Variants in SNTG1 observed in about 807,000 individuals in gnomAD.
The protein encoded by SNTG1 is syntrophin gamma 1.
SNTG1 carries 39 observed loss-of-function variants against 74.7 expected under a neutral mutation model. The observed-to-expected ratio is 0.52, with a 90% CI of 0.40 to 0.68. The LOEUF (loss-of-function observed/expected upper bound fraction) is 0.68, where lower values mean the gene tolerates loss of function less well. SNTG1 is among the 30% of genes least tolerant of loss of function. SNTG1 has a pLI of 0.00. For synonymous variants in SNTG1, 254 were observed against 217.1 expected (o/e 1.17, Z -1.49); for missense variants, 685 against 609.5 (o/e 1.12, Z -1.30).
chr8:50,611,066 T>C (rs2094846379), intron 13 of SNTG1, among the ~76,000 whole-genome samples: 1 of 152,068 alleles, frequency 6.6e-6, no homozygotes, highest in Non-Finnish European at 1.5e-5. Flanking sequence ...CTAAAAAGAT[T>C]ATATATAGTC....
chr8:50,704,815 T>C, intron 16 of SNTG1, 63 bp downstream of exon 16: 9 of 1,560,532 alleles, frequency 5.8e-6, no homozygotes, highest in South Asian at 5.7e-5. Flanking sequence ...TTCCCTAGAG[T>C]TCTAATATCA....
At chr8:50,166,654 A>G (rs2131623614) in intron 1 of SNTG1, among the ~76,000 whole-genome samples, 1 of 78,778 alleles carries the variant, frequency 1.3e-5, no homozygotes, top group South Asian at 6.4e-4. Context: ...AGAAATAGGA[A>G]CACTTTTACA....
chr8:50,126,221 C>A (rs530073473), intron 1 of SNTG1, among the ~76,000 whole-genome samples: 1 of 152,030 alleles, frequency 6.6e-6, no homozygotes, highest in Non-Finnish European at 1.5e-5. Context: ...GAAAGGGCCA[C>A]GTGACTAAAT....
intron 17 of SNTG1, among the ~76,000 whole-genome samples, chr8:50,748,638 T>A (rs1170405509): frequency 6.6e-6 from 1 of 152,038 alleles, no homozygotes; most frequent in African/African-American, 2.4e-5. Context: ...TCAGCTGTTT[T>A]TCCAACAGCG....
intron 18 of SNTG1, among the ~76,000 whole-genome samples, chr8:50,763,373 G>T (rs1046324873): frequency 4.6e-5 from 7 of 151,844 alleles, no homozygotes; most frequent in African/African-American, 1.7e-4. Flanking sequence ...TTCTAGAGTT[G>T]ATTTTTAGTC....
At chr8:50,382,235 A>C (rs1181638483) in intron 2 of SNTG1, 2 of 152,110 alleles carry the variant, frequency 1.3e-5, no homozygotes, top group African/African-American at 4.8e-5. Context: ...CTGAGTATTA[A>C]CCATCATATC....
chr8:50,722,129 CAT>C (rs1193552840), intron 17 of SNTG1, among the ~76,000 whole-genome samples: 1 of 151,460 alleles, frequency 6.6e-6, no homozygotes, highest in East Asian at 1.9e-4. Flanking sequence ...TATATATATA[CAT>C]ATATATGTAT....
intron 13 of SNTG1, among the ~76,000 whole-genome samples, chr8:50,635,506 A>G (rs900345892): frequency 6.6e-6 from 1 of 152,188 alleles, no homozygotes; most frequent in African/African-American, 2.4e-5. Context: ...AAAATGCAAG[A>G]CAAAGTCCTT....
At position 50,438,615 on chromosome 8, in the gene SNTG1, A is replaced by G. The variant is rs746411852; in HGVS notation, c.219+16A>G. On this transcript the variant is annotated intron_variant, in intron 5 of 18. Transcript: ENST00000642720. The stretch of plus-strand genomic sequence containing the variant: ...AAGCATAAAGGTAGCCTGCCTTTCT[A>G]GTCTATCCTTACAAAGGCCATGCCA... 2.5e-6 allele frequency: 4 copies of G among 1,606,006 alleles called. No homozygotes were observed. The highest frequency in any genetic ancestry group is 3.4e-6 in the Non-Finnish European group (4 of 1,173,256).
At chr8:50,542,999 T>C (rs1389562563) in intron 11 of SNTG1, among the ~76,000 whole-genome samples, 3 of 152,232 alleles carry the variant, frequency 2.0e-5, no homozygotes, top group African/African-American at 7.2e-5. Flanking sequence ...CTTTGTCAGA[T>C]GGGTCATTTG....
intron 1 of SNTG1, among the ~76,000 whole-genome samples, chr8:50,001,015 A>C (rs1162554665): frequency 6.6e-6 from 1 of 152,206 alleles, no homozygotes; most frequent in Admixed American, 6.5e-5. Context: ...ACAATAGTTG[A>C]CATGGTAAGG....
At chr8:50,476,170 T>A (rs1478681209) in intron 8 of SNTG1, among the ~76,000 whole-genome samples, 1 of 152,192 alleles carries the variant, frequency 6.6e-6, no homozygotes, top group Non-Finnish European at 1.5e-5. Flanking sequence ...GGTTCCAAAG[T>A]GCAGGAGTAA....
intron 2 of SNTG1, among the ~76,000 whole-genome samples, chr8:50,344,540 A>G (rs2091416566): frequency 6.6e-6 from 1 of 152,226 alleles, no homozygotes; most frequent in African/African-American, 2.4e-5. Context: ...ACATGGAAAC[A>G]GAAATATTAC....
In SNTG1 at chr8:50,764,344, G is replaced by A. The variant is rs185570507; in HGVS notation, c.1395+12233G>A. Reference sequence around the variant, plus strand: ...AGAGTGATGAGGCGACCTATATCATGGGAGAAATATTTATAAGCTGTACAT... The same window carrying A: ...AGAGTGATGAGGCGACCTATATCATAGGAGAAATATTTATAAGCTGTACAT... On this transcript the variant is annotated intron_variant, in intron 18 of 18. Coordinates refer to ENST00000642720, the MANE Select transcript of SNTG1 (RefSeq NM_018967.5). Among the ~76,000 whole-genome samples the A allele has an allele frequency of 2.0e-4, 30 of 151,954 alleles. No individual in the cohort carries two copies. The East Asian group carries it at 5.7e-3, about 29-fold the overall frequency.
At chr8:50,214,324 G>T (rs890805480) in intron 2 of SNTG1, among the ~76,000 whole-genome samples, 17 of 150,120 alleles carry the variant, frequency 1.1e-4, no homozygotes, top group Non-Finnish European at 2.1e-4. Context: ...CGAGTTAATG[G>T]GTGCAGCACA....
chr8:50,574,500 G>A (rs781672369), intron 12 of SNTG1, among the ~76,000 whole-genome samples: 3 of 152,140 alleles, frequency 2.0e-5, no homozygotes, highest in South Asian at 2.1e-4. Context: ...GCTCATGAGT[G>A]TAATATTAAT....
chr8:50,580,906 G>A (rs2094606325), intron 12 of SNTG1, among the ~76,000 whole-genome samples: 2 of 152,144 alleles, frequency 1.3e-5, no homozygotes, highest in Non-Finnish European at 2.9e-5. Flanking sequence ...ACATCCTAGA[G>A]TTCATACATA....
chr8:49,916,657 T>C (rs967110), intron 1 of SNTG1, among the ~76,000 whole-genome samples: 20,069 of 151,944 alleles, frequency 0.13, 1,511 homozygotes, highest in Middle Eastern at 0.2. Flanking sequence ...TAATAGAAAA[T>C]AGAAATCTTT....
intron 2 of SNTG1, among the ~76,000 whole-genome samples, chr8:50,366,337 C>G (rs940578603): frequency 4.6e-5 from 7 of 152,160 alleles, no homozygotes; most frequent in African/African-American, 1.7e-4. Flanking sequence ...TGCATCTTTA[C>G]CCAATAGCCT....
Sources: allele counts gnomAD v4.1 joint callset (sites outside exome capture counted in the v4.1 genomes callset), GRCh38; gene constraint gnomAD v4.1.1; transcripts MANE v1.5; gene names NCBI Gene and HGNC (gene_info 2026-07-23, HGNC 2026-07-21).